RALGDS: variants seen among roughly 807,000 people sequenced by gnomAD.
RALGDS encodes the protein ral guanine nucleotide exchange factor.
A neutral mutation model predicts 99.8 loss-of-function variants in RALGDS; 44 were observed. That is an observed-to-expected ratio of 0.44 (90% CI 0.35 to 0.57). RALGDS has a LOEUF of 0.57. Among genes scored for constraint, RALGDS ranks in the 20% least tolerant of loss-of-function variants. The pLI is 0.01. For synonymous variants in RALGDS, 529 were observed against 505.0 expected (o/e 1.05, Z -0.64); for missense variants, 1,022 against 1,203.1 (o/e 0.85, Z 2.23).
chr9:133,110,328 G>C lies in RALGDS; in HGVS notation c.456C>G (p.Thr152=). ...ACAGCAGGTCCAGGACCTGTTGGGT[G>C]GTGGTGAAGGCTCTATAGGTACACA... ...IFLCTYRAFT[T]TQQVLDLLFK... is the part of the protein sequence containing the mutation. The change falls in exon 3 of 18, where the codon ACC becomes ACG. Residue 152 remains threonine, a synonymous_variant. Transcript: ENST00000372050. 6.2e-7 allele frequency: 1 copy of C among 1,613,900 alleles called. No individual in the cohort carries two copies. Among genetic ancestry groups the C allele is most frequent in the Non-Finnish European group, 8.5e-7 (1 of 1,179,996 alleles).
At position 133,113,238 on chromosome 9, in the gene RALGDS, G is replaced by A. The variant is rs2119180264; in HGVS notation, c.184-1086C>T. ...ACCGCCCAGTCAGTGCCCCAGCCCA[G>A]GTAGGCGTGGAGCTCAGAGAAGGCC... On this transcript the variant is annotated intron_variant, in intron 1 of 17. Transcript: ENST00000372050. 1.3e-5 allele frequency among the ~76,000 whole-genome samples: 2 copies of A among 152,306 alleles called. 1 individual carries two copies. The highest frequency in any genetic ancestry group is 1.3e-4 in the Admixed American group (2 of 15,292).
Position 133,108,293 on chromosome 9 carries a change from T to TTGGAGC in RALGDS, c.886_891dup (p.Ala296_Pro297dup), listed in dbSNP as rs1564235280. On this transcript the variant is annotated inframe_insertion, in exon 6 of 18. Transcript: ENST00000372050. ...TCTAGCTCTGAACCTGGAGCTGGTGTTGGAGCTGGCTCTGGCTCCGGGGCT... is the reference window on the plus strand; with the variant it reads ...TCTAGCTCTGAACCTGGAGCTGGTGTTGGAGCTGGAGCTGGCTCTGGCTCCGGGGCT... 1.9e-6 allele frequency: 3 copies of TTGGAGC among 1,557,562 alleles called. No homozygotes were observed. Among genetic ancestry groups the TTGGAGC allele is most frequent in the Non-Finnish European group, 1.7e-6 (2 of 1,151,456 alleles).
chr9:133,109,536 A>T, intron 4 of RALGDS, 90 bp downstream of exon 4: 1 of 1,224,212 alleles, frequency 8.2e-7, no homozygotes, highest in South Asian at 1.2e-5. Flanking sequence ...GGTTCTGCCC[A>T]GCCAGCCCCG....
upstream of RALGDS, among the ~76,000 whole-genome samples, chr9:133,122,546 G>T (rs1040451757): frequency 1.1e-4 from 16 of 152,212 alleles, no homozygotes; most frequent in African/African-American, 3.6e-4. Flanking sequence ...TGAGGCGGCA[G>T]TTCATCCGTT....
upstream of RALGDS, among the ~76,000 whole-genome samples, chr9:133,132,495 G>A (rs565283136): frequency 6.6e-6 from 1 of 152,252 alleles, no homozygotes; most frequent in East Asian, 1.9e-4. Flanking sequence ...CCTGAGCCTC[G>A]GTTTCCTTGT....
chr9:133,107,353 G>A, intron 6 of RALGDS, 53 bp from the exon 7 acceptor site: 1 of 1,477,672 alleles, frequency 6.8e-7, no homozygotes, highest in Non-Finnish European at 9.3e-7. Flanking sequence ...CTGGGCTGGT[G>A]CTGGGGAAGC....
intron 11 of RALGDS, 180 bp downstream of exon 11, chr9:133,103,567 G>C (rs914731176): frequency 1.3e-6 from 1 of 744,600 alleles, no homozygotes; most frequent in Non-Finnish European, 2.4e-6. Flanking sequence ...CCTGAGGGAT[G>C]GGCTGTGTCC....
upstream of RALGDS, among the ~76,000 whole-genome samples, chr9:133,123,849 C>A (rs1354227427): frequency 7.9e-5 from 8 of 101,812 alleles, no homozygotes; most frequent in African/African-American, 2.6e-4. Context: ...CACACACACA[C>A]AGACACACAA....
intron 1 of RALGDS, among the ~76,000 whole-genome samples, chr9:133,147,214 C>A (rs1432634923): frequency 6.6e-6 from 1 of 152,210 alleles, no homozygotes; most frequent in East Asian, 1.9e-4. Flanking sequence ...TCACACTGTC[C>A]AGACTCGTGC....
chr9:133,112,403 A>C (rs200682101), intron 1 of RALGDS, among the ~76,000 whole-genome samples: 1 of 152,030 alleles, frequency 6.6e-6, no homozygotes. Flanking sequence ...TCCCCTAGTA[A>C]CTGGCTTCTG....
At chr9:133,133,897 G>A (rs963481596), upstream of RALGDS, among the ~76,000 whole-genome samples, 14 of 152,330 alleles carry the variant, frequency 9.2e-5, no homozygotes, top group East Asian at 1.7e-3. Flanking sequence ...TGCAGCTGTC[G>A]CTAGGAGCTG....
In RALGDS at chr9:133,098,520, G is replaced by A; in HGVS notation, c.*67C>T. ...CTGGCAGGTGGGAGGAAGGCGCCCA[G>A]CTGGCCTGGGCCACTCTGGTCCATA... On this transcript the variant is annotated 3_prime_UTR_variant, in exon 18 of 18. Transcript: ENST00000372050. The A allele has an allele frequency of 6.4e-7, 1 of 1,568,074 alleles. No homozygotes were observed. The highest frequency in any genetic ancestry group is 1.3e-5 in the African/African-American group (1 of 74,130).
At chr9:133,098,886 G>C (rs574708347) in intron 17 of RALGDS, 124 bp from the exon 18 acceptor site, 3 of 919,760 alleles carry the variant, frequency 3.3e-6, no homozygotes, top group East Asian at 5.2e-5. Flanking sequence ...CTCCAATACA[G>C]CTCCAGAACT....
chr9:133,133,496 C>T (rs1415951521), upstream of RALGDS, among the ~76,000 whole-genome samples: 2 of 152,166 alleles, frequency 1.3e-5, no homozygotes, highest in African/African-American at 2.4e-5. Context: ...CCACGTGATG[C>T]GCCACATCAC....
chr9:133,108,961 T>A, intron 4 of RALGDS, 95 bp from the exon 5 acceptor site: 1 of 1,257,072 alleles, frequency 8.0e-7, no homozygotes, highest in Admixed American at 2.0e-5. Context: ...GAAGGCCACC[T>A]GCCCCGGCCC....
At chr9:133,124,045 CAGAG>C (rs767160023), upstream of RALGDS, among the ~76,000 whole-genome samples, 32 of 109,700 alleles carry the variant, frequency 2.9e-4, 6 homozygotes, top group African/African-American at 3.6e-4. Flanking sequence ...CAGAGACACA[CAGAG>C]AGACAGAGAC....
chr9:133,141,237 CAT>C (rs748717418), intron 1 of RALGDS, among the ~76,000 whole-genome samples: 3 of 152,232 alleles, frequency 2.0e-5, no homozygotes, highest in Admixed American at 6.5e-5. Context: ...AACCAGGTCT[CAT>C]AGCCTTCCCA....
chr9:133,137,437 G>T (rs1339193754), intron 1 of RALGDS, among the ~76,000 whole-genome samples: 1 of 152,244 alleles, frequency 6.6e-6, no homozygotes, highest in African/African-American at 2.4e-5. Flanking sequence ...GGAGGTTCTT[G>T]TGGGAAGATC....
At chr9:133,123,089 C>T (rs1017733247), upstream of RALGDS, among the ~76,000 whole-genome samples, 2 of 152,138 alleles carry the variant, frequency 1.3e-5, no homozygotes, top group Non-Finnish European at 2.9e-5. Context: ...GCCTCCAAGC[C>T]GTTTGGCCAG....
Sources: allele counts gnomAD v4.1 joint callset (sites outside exome capture counted in the v4.1 genomes callset), GRCh38; gene constraint gnomAD v4.1.1; transcripts MANE v1.5; gene names NCBI Gene and HGNC (gene_info 2026-07-23, HGNC 2026-07-21).